Variants in PKM observed in about 807,000 individuals in gnomAD.
PKM encodes the protein pyruvate kinase PKM.
In PKM, 18 loss-of-function variants were observed where a neutral mutation model predicts 49.8. The observed-to-expected ratio is 0.36, with a 90% CI of 0.25 to 0.54. The LOEUF is 0.54. Ranked by LOEUF, PKM falls within the 20% of genes least tolerant of loss-of-function variation. The pLI is 0.89. For missense variants in PKM, 508 were observed against 713.8 expected, an observed-to-expected ratio of 0.71 and a Z score of 3.28; for synonymous variants, 239 against 261.8, an observed-to-expected ratio of 0.91 and a Z score of 0.84.
At chr15:72,231,422 C>A (rs918230378), upstream of PKM, 2 of 152,674 alleles carry the variant, frequency 1.3e-5, no homozygotes, top group African/African-American at 4.8e-5. Flanking sequence ...TTCAGAGTCA[C>A]ATTTTAAGAA....
chr15:72,228,783 CCT>C (rs2082760170), intron 1 of PKM: 92 of 389,072 alleles, frequency 2.4e-4, no homozygotes, highest in South Asian at 1.7e-3. Context: ...ACCTCCATCT[CCT>C]CTGTGACCTA....
chr15:72,210,131 TAAA>T, intron 4 of PKM: 1 of 556,164 alleles, frequency 1.8e-6, no homozygotes, highest in Non-Finnish European at 3.1e-6. Flanking sequence ...GTTTTTAGGG[TAAA>T]AAAAAAAGGT....
chr15:72,208,906 G>A lies in PKM; in HGVS notation c.566-15C>T. On this transcript the variant is annotated splice_polypyrimidine_tract_variant and intron_variant, in intron 5 of 10. Coordinates refer to ENST00000335181, the MANE Select transcript of PKM (RefSeq NM_002654.6). ...GAAGTCGGCACCTGTATGAAAAAGG[G>A]TAAGTAGGGGAGGCAGAGCACGAGG... 1.1e-5 allele frequency: 17 copies of A among 1,612,034 alleles called. No homozygotes were observed. Among genetic ancestry groups the A allele is most frequent in the Non-Finnish European group, 1.4e-5 (16 of 1,178,930 alleles).
At chr15:72,229,810 C>CA in intron 1 of PKM, 4 of 616,056 alleles carry the variant, frequency 6.5e-6, no homozygotes, top group Non-Finnish European at 8.5e-6. Context: ...TCAGTGAACG[C>CA]GACAGATTTC....
intron 1 of PKM, among the ~76,000 whole-genome samples, chr15:72,227,775 C>CAAAAAA (rs1394942000): frequency 8.5e-4 from 37 of 43,550 alleles, no homozygotes; most frequent in African/African-American, 2.5e-3. Flanking sequence ...AAAAAAAAAA[C>CAAAAAA]AAAAAACTGA....
intron 3 of PKM, among the ~76,000 whole-genome samples, chr15:72,213,812 CAG>C (rs1332260822): frequency 1.3e-5 from 2 of 152,176 alleles, no homozygotes; most frequent in African/African-American, 2.4e-5. Flanking sequence ...TGAAAATAGC[CAG>C]AGTCATCTCT....
intron 1 of PKM, chr15:72,229,592 G>A (rs1336995109): frequency 1.6e-6 from 2 of 1,286,610 alleles, no homozygotes; most frequent in South Asian, 1.2e-5. Flanking sequence ...GTGCTTTCCT[G>A]CATCTTCTAA....
chr15:72,226,329 C>A (rs8192379), intron 1 of PKM, among the ~76,000 whole-genome samples: 3,341 of 152,220 alleles, frequency 0.022, 122 homozygotes, highest in African/African-American at 0.078. Context: ...AGACTGAGAC[C>A]ATCCTGGCTA....
At chr15:72,217,734 G>A (rs972273507) in intron 2 of PKM, among the ~76,000 whole-genome samples, 1 of 152,122 alleles carries the variant, frequency 6.6e-6, no homozygotes, top group Admixed American at 6.6e-5. Flanking sequence ...TATCAGAAAA[G>A]CCTAGGTTAA....
chr15:72,223,345 T>C (rs1257072687), intron 1 of PKM, among the ~76,000 whole-genome samples: 3 of 152,194 alleles, frequency 2.0e-5, no homozygotes, highest in African/African-American at 7.2e-5. Flanking sequence ...GTACCAATTA[T>C]GCTCCGATAC....
rs8192391 is a variant in PKM at position 72,219,878 on chromosome 15, C to T, written c.-13-768G>A. On this transcript the variant is annotated intron_variant, in intron 1 of 10. Coordinates refer to ENST00000335181, the MANE Select transcript of PKM (RefSeq NM_002654.6). ...TTTTCCCCAAATGATTTTTGATACACATCCTGATTTCTTTTCTAAGCCTGA... is the reference window on the plus strand; with the variant it reads ...TTTTCCCCAAATGATTTTTGATACATATCCTGATTTCTTTTCTAAGCCTGA... Among the ~76,000 whole-genome samples, 1,462 of 152,312 alleles carry T rather than the reference C, an allele frequency of 9.6e-3. 28 individuals carry two copies. Among genetic ancestry groups the T allele is most frequent in the African/African-American group, 0.033 (1,365 of 41,548 alleles).
chr15:72,217,576 A>G, intron 2 of PKM, 76 bp from the exon 3 acceptor site: 1 of 1,045,466 alleles, frequency 9.6e-7, no homozygotes, highest in Non-Finnish European at 1.5e-6. Flanking sequence ...CTTAAGTTTA[A>G]AGAATTTTTT....
intron 1 of PKM, among the ~76,000 whole-genome samples, chr15:72,227,775 C>A (rs4611402): frequency 0.74 from 31,764 of 43,082 alleles, 11,980 homozygotes; most frequent in Middle Eastern, 0.9. Flanking sequence ...AAAAAAAAAA[C>A]AAAAAACTGA....
At chr15:72,215,088 C>G (rs924884071) in intron 3 of PKM, among the ~76,000 whole-genome samples, 1 of 151,814 alleles carries the variant, frequency 6.6e-6, no homozygotes, top group African/African-American at 2.4e-5. Flanking sequence ...GTAATCCCAG[C>G]TACTCAGGAG....
intron 1 of PKM, 58 bp from the exon 2 acceptor site, chr15:72,219,168 T>G (rs191844528): frequency 1.3e-6 from 2 of 1,496,398 alleles, no homozygotes. Context: ...AATATACCAT[T>G]TAGCACAGAA....
At chr15:72,225,413 CTCAAGTGA>C (rs2082642026) in intron 1 of PKM, among the ~76,000 whole-genome samples, 1 of 151,898 alleles carries the variant, frequency 6.6e-6, no homozygotes, top group Non-Finnish European at 1.5e-5. Flanking sequence ...ACCTCCTGGC[CTCAAGTGA>C]TCCTCCTGCA....
In PKM at chr15:72,202,416, T is replaced by C. The variant is rs770525660; in HGVS notation, c.1307+38A>G. ...CAGGACCCCCAAGGTGAGGTACCAC[T>C]GAGCAGGGCATTCCAGGGAGCCGCT... On this transcript the variant is annotated intron_variant, in intron 9 of 10. Coordinates refer to ENST00000335181, the MANE Select transcript of PKM (RefSeq NM_002654.6). This position sits in a 1 kb window ranked among gnomAD's most constrained non-coding sequence, Gnocchi z 4.5. The C allele has an allele frequency of 1.9e-6, 3 of 1,598,338 alleles. No individual in the cohort carries two copies. Among genetic ancestry groups the C allele is most frequent in the South Asian group, 1.1e-5 (1 of 89,402 alleles).
rs933930439 is a variant in PKM, at chr15:72,216,298, T to C, written c.246+1111A>G. On this transcript the variant is annotated intron_variant, in intron 3 of 10. Transcript: ENST00000335181. ...TTATCAATGCCATTACGAAATCCCA[T>C]GATCTATGGGAAACCTATGGTTAAG... Among the ~76,000 whole-genome samples, 4 of 152,284 alleles carry C rather than the reference T, an allele frequency of 2.6e-5. No individual in the cohort carries two copies. The South Asian group carries it at 6.2e-4, about 24-fold the overall frequency.
rs149428056 is a variant in PKM at position 72,210,404 on chromosome 15, G to A, written c.321C>T (p.Pro107=). 2.6e-4 allele frequency: 414 copies of A among 1,614,148 alleles called. 3 individuals are homozygous for A. The East Asian group carries it at 4.9e-3, about 19-fold the overall frequency. The change falls in exon 4 of 11, where the codon CCC becomes CCT. Residue 107 remains proline (P), a synonymous_variant. Coordinates refer to ENST00000335181, the MANE Select transcript of PKM (RefSeq NM_002654.6). ...SFASDPILYR[P]VAVALDTKGP... Reference sequence around the variant, plus strand: ...CTTTAGTGTCTAGAGCCACAGCAACGGGCCGGTAGAGGATGGGGTCAGAAG... The same window carrying A: ...CTTTAGTGTCTAGAGCCACAGCAACAGGCCGGTAGAGGATGGGGTCAGAAG...
Sources: gnomAD v4.1 joint callset for allele counts (sites outside exome capture counted in the v4.1 genomes callset) on GRCh38, gnomAD v4.1.1 for gene constraint, Gnocchi (gnomAD v3.1) non-coding constraint, MANE v1.5 for transcripts, NCBI Gene and HGNC (gene_info 2026-07-23, HGNC 2026-07-21) for gene names.